CSMD1: variants seen among roughly 807,000 people sequenced by gnomAD.
CSMD1 encodes CUB and Sushi multiple domains 1, also known as CUB and sushi domain-containing protein 1.
CSMD1 carries 213 observed loss-of-function variants against 417.5 expected under a neutral mutation model. The ratio of observed to expected loss-of-function variants is 0.51; its 90% CI spans 0.46 to 0.57. The LOEUF (loss-of-function observed/expected upper bound fraction) is 0.57, where lower values mean the gene tolerates loss of function less well. CSMD1 is among the 20% of genes least tolerant of loss of function. The probability of loss-of-function intolerance (pLI) is 0.00; values close to 1 mark genes in which losing one functional copy is unlikely to be tolerated. For missense variants in CSMD1, 6,923 were observed against 4,529.7 expected, an observed-to-expected ratio of 1.53 and a Z score of -15.17; for synonymous variants, 2,862 against 1,736.8, an observed-to-expected ratio of 1.65 and a Z score of -16.11.
chr8:3,655,805 A>T (rs909440485), intron 7 of CSMD1, among the ~76,000 whole-genome samples: 2 of 152,180 alleles, frequency 1.3e-5, no homozygotes, highest in African/African-American at 2.4e-5. Context: ...CAAGAAAGAA[A>T]GTCTTCCAAT....
chr8:3,607,506 G>T (rs1036977444), intron 8 of CSMD1, among the ~76,000 whole-genome samples: 4 of 152,178 alleles, frequency 2.6e-5, no homozygotes, highest in African/African-American at 9.7e-5. Context: ...GTGACTGGCA[G>T]CACAGTACAT....
chr8:3,678,977 C>A (rs1024858225), intron 7 of CSMD1, among the ~76,000 whole-genome samples: 1 of 152,112 alleles, frequency 6.6e-6, no homozygotes, highest in Non-Finnish European at 1.5e-5. Flanking sequence ...CACAGACAAG[C>A]AAATGCTGAG....
At chr8:4,142,286 G>A (rs1252651205) in intron 3 of CSMD1, among the ~76,000 whole-genome samples, 1 of 151,072 alleles carries the variant, frequency 6.6e-6, no homozygotes, top group East Asian at 1.9e-4. Context: ...ATAAGGTAAT[G>A]TTTCATGCTC....
chr8:4,696,902 A>T (rs928320766), intron 1 of CSMD1, among the ~76,000 whole-genome samples: 1 of 152,214 alleles, frequency 6.6e-6, no homozygotes, highest in South Asian at 2.1e-4. Flanking sequence ...GGCCAGGTTC[A>T]GTGGCTCATT....
intron 23 of CSMD1, among the ~76,000 whole-genome samples, chr8:3,332,944 G>A (rs1024291719): frequency 1.3e-5 from 2 of 152,212 alleles, no homozygotes; most frequent in African/African-American, 4.8e-5. Context: ...TGCTGAGTTT[G>A]TCAAGATACG....
chr8:3,123,219 C>G (rs1198154013), intron 41 of CSMD1, among the ~76,000 whole-genome samples: 1 of 152,170 alleles, frequency 6.6e-6, no homozygotes, highest in Non-Finnish European at 1.5e-5. Flanking sequence ...TCTGCATTCC[C>G]CCATCGTGTG....
At chr8:2,978,963 T>G (rs1439070809) in intron 54 of CSMD1, among the ~76,000 whole-genome samples, 163 bp from the exon 55 acceptor site, 1 of 152,220 alleles carries the variant, frequency 6.6e-6, no homozygotes, top group Non-Finnish European at 1.5e-5. Context: ...ATTCTCCGCT[T>G]TGGACCACTC....
intron 7 of CSMD1, among the ~76,000 whole-genome samples, chr8:3,666,304 G>A (rs1798691848): frequency 6.6e-6 from 1 of 152,180 alleles, no homozygotes; most frequent in African/African-American, 2.4e-5. Flanking sequence ...GAGAACCGAT[G>A]TGAAGAATAT....
chr8:3,845,448 A>C (rs1451455611), intron 5 of CSMD1, among the ~76,000 whole-genome samples: 2 of 152,200 alleles, frequency 1.3e-5, no homozygotes, highest in Non-Finnish European at 2.9e-5. Context: ...ATCTAACCAC[A>C]GAAAAGGTAC....
chr8:3,398,110 T>G (rs997551257), intron 16 of CSMD1, among the ~76,000 whole-genome samples: 1 of 152,086 alleles, frequency 6.6e-6, no homozygotes, highest in African/African-American at 2.4e-5. Flanking sequence ...TTCAGGCAAC[T>G]GAAAATAGAG....
At chr8:4,915,094 T>A (rs1387239734) in intron 1 of CSMD1, among the ~76,000 whole-genome samples, 4 of 152,146 alleles carry the variant, frequency 2.6e-5, no homozygotes, top group African/African-American at 9.7e-5. Context: ...TGTAATATGG[T>A]CAGGCCGAGT....
chr8:4,022,271 C>G (rs900206617), intron 4 of CSMD1, among the ~76,000 whole-genome samples: 11 of 150,874 alleles, frequency 7.3e-5, no homozygotes, highest in Non-Finnish European at 1.2e-4. Context: ...ATTTGCTTAT[C>G]TCTTATGTAT....
rs1017422276 is a variant in CSMD1 at position 4,140,122 on chromosome 8, G to A, written c.416-108023C>T. ...AGTCCTAACACTTTTGGAGGTGAAG[G>A]CGGGAGGATTCCTTGAGCCCAGGGG... On this transcript the variant is annotated intron_variant, in intron 3 of 69. Coordinates refer to ENST00000635120, the MANE Select transcript of CSMD1 (RefSeq NM_033225.6). Among the ~76,000 whole-genome samples, 15 of 150,904 alleles carry A rather than the reference G, an allele frequency of 9.9e-5. 1 individual carries two copies. Among genetic ancestry groups the A allele is most frequent in the African/African-American group, 3.5e-4 (14 of 40,268 alleles).
chr8:4,714,814 T>C (rs1328610571), intron 1 of CSMD1, among the ~76,000 whole-genome samples: 1 of 152,214 alleles, frequency 6.6e-6, no homozygotes, highest in Non-Finnish European at 1.5e-5. Context: ...CTCAACATTA[T>C]AAACAGTAAC....
chr8:3,415,950 T>C (rs1016787726), intron 12 of CSMD1, among the ~76,000 whole-genome samples: 3 of 149,806 alleles, frequency 2.0e-5, no homozygotes, highest in East Asian at 3.9e-4. Flanking sequence ...TTTTTGGCAC[T>C]TACAATGAGT....
chr8:4,791,009 C>T lies in CSMD1; in HGVS notation c.86-153451G>A, dbSNP rs568802689. ...GACCTAATTAGACTAAAAAGTTCTG[C>T]ACTGCAAAATAAACTATCAGGAGAG... On this transcript the variant is annotated intron_variant, in intron 1 of 69. Transcript: ENST00000635120. 1.2e-4 allele frequency among the ~76,000 whole-genome samples: 19 copies of T among 152,162 alleles called. No homozygotes were observed. The South Asian group carries it at 3.3e-3, about 27-fold the overall frequency.
chr8:3,931,535 T>G, intron 5 of CSMD1, among the ~76,000 whole-genome samples: 1 of 150,348 alleles, frequency 6.7e-6, no homozygotes, highest in South Asian at 2.1e-4. Flanking sequence ...TTACAGTAAA[T>G]TTGTTTAACA....
intron 3 of CSMD1, among the ~76,000 whole-genome samples, chr8:4,111,079 A>G (rs994233977): frequency 6.6e-6 from 1 of 152,172 alleles, no homozygotes; most frequent in Non-Finnish European, 1.5e-5. Flanking sequence ...AATCTGGTAG[A>G]AATCTAGTAT....
At chr8:3,364,648 T>C (rs544955297) in intron 20 of CSMD1, among the ~76,000 whole-genome samples, 46 of 152,146 alleles carry the variant, frequency 3.0e-4, no homozygotes, top group Non-Finnish European at 5.0e-4. Context: ...ATTAAAGCCA[T>C]TAAAAGGGCT....
Sources: allele counts gnomAD v4.1 joint callset (sites outside exome capture counted in the v4.1 genomes callset), GRCh38; gene constraint gnomAD v4.1.1; transcripts MANE v1.5; gene names NCBI Gene and HGNC (gene_info 2026-07-23, HGNC 2026-07-21).